CABCOCO1: variants seen among roughly 807,000 people sequenced by gnomAD.
The protein encoded by CABCOCO1 is ciliary-associated calcium-binding coiled-coil protein 1.
In CABCOCO1, 28 loss-of-function variants were observed where a neutral mutation model predicts 35.7. The observed-to-expected ratio is 0.78, with a 90% CI of 0.58 to 1.07. The LOEUF is 1.07. Among genes scored for constraint, CABCOCO1 ranks in the 50% least tolerant of loss-of-function variants. The probability of loss-of-function intolerance (pLI) is 0.00; values close to 1 mark genes in which losing one functional copy is unlikely to be tolerated. For missense variants in CABCOCO1, 326 were observed against 309.2 expected, an observed-to-expected ratio of 1.05 and a Z score of -0.41; for synonymous variants, 95 against 100.1, an observed-to-expected ratio of 0.95 and a Z score of 0.30.
At chr10:61,727,476 A>G (rs1554824816) in intron 5 of CABCOCO1, among the ~76,000 whole-genome samples, 1 of 151,566 alleles carries the variant, frequency 6.6e-6, no homozygotes, top group African/African-American at 2.4e-5. Flanking sequence ...GAGTTCAAAG[A>G]ATGTATAATC....
At chr10:61,718,973 T>A (rs569367958) in intron 5 of CABCOCO1, among the ~76,000 whole-genome samples, 1 of 152,314 alleles carries the variant, frequency 6.6e-6, no homozygotes, top group African/African-American at 2.4e-5. Context: ...AAAGCTTTCA[T>A]CAATTACTTT....
At chr10:61,713,991 C>A (rs1265533000) in intron 5 of CABCOCO1, among the ~76,000 whole-genome samples, 2 of 152,054 alleles carry the variant, frequency 1.3e-5, no homozygotes, top group Non-Finnish European at 2.9e-5. Flanking sequence ...TGTGTCTCTG[C>A]CAGGCTTTGG....
At chr10:61,693,308 T>C (rs973667110) in intron 5 of CABCOCO1, among the ~76,000 whole-genome samples, 6 of 152,106 alleles carry the variant, frequency 3.9e-5, no homozygotes, top group African/African-American at 1.4e-4. Context: ...TTAACAACCT[T>C]TCATGGAGGA....
chr10:61,712,312 A>G (rs1021264586), intron 5 of CABCOCO1, among the ~76,000 whole-genome samples: 6 of 152,128 alleles, frequency 3.9e-5, no homozygotes, highest in Admixed American at 1.3e-4. Context: ...TCTTCTTCTG[A>G]GAAGTGTCTG....
rs542570825 is a variant in CABCOCO1, at chr10:61,732,884, G to A, written c.553-27175G>A. On this transcript the variant is annotated intron_variant, in intron 5 of 7. Coordinates refer to ENST00000648843, the MANE Select transcript of CABCOCO1 (RefSeq NM_001366906.2). ...AATAAACTAGTGAAATTGAAAGTTA[G>A]GATGAGAAACGCTTATTAAATCTTA... 4.6e-5 allele frequency among the ~76,000 whole-genome samples: 7 copies of A among 152,206 alleles called. No individual in the cohort carries two copies. The East Asian group carries it at 1.2e-3, about 25-fold the overall frequency.
intron 5 of CABCOCO1, among the ~76,000 whole-genome samples, chr10:61,730,629 T>G (rs891013355): frequency 6.6e-6 from 1 of 152,070 alleles, no homozygotes; most frequent in African/African-American, 2.4e-5. Flanking sequence ...CCAATGTATC[T>G]TCCCATAAAA....
chr10:61,738,756 A>T (rs1841481134), intron 5 of CABCOCO1, among the ~76,000 whole-genome samples: 1 of 152,228 alleles, frequency 6.6e-6, no homozygotes, highest in Admixed American at 6.5e-5. Flanking sequence ...CACAGTAAAA[A>T]CTATATTAAA....
At chr10:61,667,499 T>C (rs969161655) in intron 1 of CABCOCO1, among the ~76,000 whole-genome samples, 1 of 151,696 alleles carries the variant, frequency 6.6e-6, no homozygotes, top group Non-Finnish European at 1.5e-5. Context: ...ACATTACATT[T>C]ATAATGTAGG....
intron 5 of CABCOCO1, among the ~76,000 whole-genome samples, chr10:61,741,856 C>G (rs1219685042): frequency 6.6e-6 from 1 of 151,954 alleles, no homozygotes; most frequent in Non-Finnish European, 1.5e-5. Flanking sequence ...ATTTGTTGTT[C>G]TTTTATTATT....
intron 4 of CABCOCO1, 61 bp from the exon 5 acceptor site, chr10:61,690,488 C>A: frequency 8.9e-7 from 1 of 1,122,042 alleles, no homozygotes; most frequent in Non-Finnish European, 1.3e-6. Flanking sequence ...AATGTCTTTA[C>A]ATATTGTGTT....
At chr10:61,669,016 T>A (rs1839274436) in intron 1 of CABCOCO1, among the ~76,000 whole-genome samples, 1 of 35,798 alleles carries the variant, frequency 2.8e-5, no homozygotes, top group African/African-American at 6.4e-5. Context: ...TTTTAAGGGT[T>A]GGGGAAAAAA....
intron 5 of CABCOCO1, among the ~76,000 whole-genome samples, chr10:61,756,616 G>T (rs1168454441): frequency 6.6e-6 from 1 of 151,928 alleles, no homozygotes; most frequent in Non-Finnish European, 1.5e-5. Context: ...CTATTTAGGG[G>T]GTATTTGAAA....
chr10:61,700,054 G>A (rs1488843692), intron 5 of CABCOCO1, among the ~76,000 whole-genome samples: 1 of 152,012 alleles, frequency 6.6e-6, no homozygotes, highest in African/African-American at 2.4e-5. Context: ...TAATCATTAA[G>A]CCCATGACCA....
chr10:61,744,699 G>A (rs1841619634), intron 5 of CABCOCO1, among the ~76,000 whole-genome samples: 1 of 152,156 alleles, frequency 6.6e-6, no homozygotes, highest in South Asian at 2.1e-4. Flanking sequence ...TAGAGAGTCA[G>A]ACCTATTGTC....
At chr10:61,724,502 C>T (rs1841096766) in intron 5 of CABCOCO1, among the ~76,000 whole-genome samples, 2 of 152,082 alleles carry the variant, frequency 1.3e-5, no homozygotes, top group South Asian at 4.1e-4. Flanking sequence ...ATAAACATGG[C>T]ATTCAAATTA....
intron 5 of CABCOCO1, among the ~76,000 whole-genome samples, chr10:61,750,014 G>T (rs1841747020): frequency 6.6e-6 from 1 of 151,218 alleles, no homozygotes; most frequent in African/African-American, 2.4e-5. Context: ...CCAAATGGTG[G>T]CCAGCACTGA....
At chr10:61,698,043 T>C (rs558569235) in intron 5 of CABCOCO1, among the ~76,000 whole-genome samples, 1 of 152,156 alleles carries the variant, frequency 6.6e-6, no homozygotes, top group Non-Finnish European at 1.5e-5. Context: ...TGTAAAAATA[T>C]TTATTCAGCT....
At chr10:61,686,989 G>A (rs954685092) in intron 4 of CABCOCO1, among the ~76,000 whole-genome samples, 1 of 152,136 alleles carries the variant, frequency 6.6e-6, no homozygotes, top group African/African-American at 2.4e-5. Flanking sequence ...ATATACTCCA[G>A]TGTTTTTCAA....
intron 5 of CABCOCO1, among the ~76,000 whole-genome samples, chr10:61,708,049 A>C (rs904660910): frequency 1.3e-5 from 2 of 151,922 alleles, no homozygotes; most frequent in Non-Finnish European, 2.9e-5. Context: ...CTCAACTAAC[A>C]GGGCAAAGTA....
Sources: allele counts gnomAD v4.1 joint callset (sites outside exome capture counted in the v4.1 genomes callset), GRCh38; gene constraint gnomAD v4.1.1; transcripts MANE v1.5; gene names NCBI Gene and HGNC (gene_info 2026-07-23, HGNC 2026-07-21).